The following SNTG1 variants were observed in gnomAD, a reference collection of about 807,000 sequenced individuals.
SNTG1 encodes the protein syntrophin gamma 1, also known as gamma-1-syntrophin.
Under a neutral mutation model 74.7 loss-of-function variants are expected in SNTG1, and 39 were observed. The observed-to-expected ratio is 0.52, with a 90% CI of 0.40 to 0.68. The LOEUF is 0.68. Among genes scored for constraint, SNTG1 ranks in the 30% least tolerant of loss-of-function variants. SNTG1 has a pLI of 0.00. For missense variants in SNTG1, 685 were observed against 609.5 expected (o/e 1.12, Z -1.30); for synonymous variants, 254 against 217.1 (o/e 1.17, Z -1.49).
chr8:50,211,363 A>G (rs1176570266), intron 2 of SNTG1, among the ~76,000 whole-genome samples: 4 of 152,166 alleles, frequency 2.6e-5, no homozygotes, highest in African/African-American at 9.6e-5. Context: ...TTGTTATCAG[A>G]GAAATATTAC....
intron 17 of SNTG1, among the ~76,000 whole-genome samples, chr8:50,728,515 C>G (rs745504092): frequency 1.4e-4 from 21 of 152,096 alleles, no homozygotes; most frequent in Non-Finnish European, 2.9e-5. Flanking sequence ...GTGAAAAGAG[C>G]CCAATATTAT....
At chr8:50,307,280 A>C (rs991290113) in intron 2 of SNTG1, among the ~76,000 whole-genome samples, 25 of 152,216 alleles carry the variant, frequency 1.6e-4, no homozygotes, top group African/African-American at 6.0e-4. Context: ...GTCCAATTTT[A>C]GCTACTGCCA....
rs148175498 is a variant in SNTG1, at chr8:50,076,298, A to G, written c.-102-96263A>G. Among the ~76,000 whole-genome samples, 548 of 152,252 alleles carry G rather than the reference A, an allele frequency of 3.6e-3. 3 individuals are homozygous for G. The highest frequency in any genetic ancestry group is 0.013 in the African/African-American group (526 of 41,550). On this transcript the variant is annotated intron_variant, in intron 1 of 18. Coordinates refer to ENST00000642720, the MANE Select transcript of SNTG1 (RefSeq NM_018967.5). ...AGGTAACATACTGAAAGAAACAAAA[A>G]CAAAAAAAAACCTGAATTCTTTTGT...
intron 9 of SNTG1, among the ~76,000 whole-genome samples, chr8:50,521,243 G>A (rs2094177008): frequency 6.6e-6 from 1 of 152,024 alleles, no homozygotes; most frequent in Non-Finnish European, 1.5e-5. Context: ...ATAGGGAGGG[G>A]AACATCACAC....
intron 8 of SNTG1, among the ~76,000 whole-genome samples, chr8:50,456,721 T>C (rs2093509500): frequency 6.6e-6 from 1 of 152,126 alleles, no homozygotes; most frequent in African/African-American, 2.4e-5. Flanking sequence ...CATTCAAACC[T>C]TAGCACCTTC....
chr8:50,433,782 T>C (rs1026948400), intron 4 of SNTG1, among the ~76,000 whole-genome samples: 3 of 152,306 alleles, frequency 2.0e-5, no homozygotes, highest in African/African-American at 7.2e-5. Flanking sequence ...GTGTAAGACA[T>C]AGGTCCAGCT....
intron 10 of SNTG1, among the ~76,000 whole-genome samples, chr8:50,531,698 C>G (rs2130337579): frequency 6.6e-6 from 1 of 152,278 alleles, no homozygotes; most frequent in South Asian, 2.1e-4. Context: ...CTGCTTCCAT[C>G]AGTCCTCAGA....
chr8:50,335,312 A>G (rs1045607317), intron 2 of SNTG1, among the ~76,000 whole-genome samples: 11 of 152,340 alleles, frequency 7.2e-5, no homozygotes, highest in African/African-American at 2.2e-4. Flanking sequence ...GTCTGAGCAT[A>G]CAACATGGCT....
chr8:50,021,883 G>A (rs973341385), intron 1 of SNTG1, among the ~76,000 whole-genome samples: 1 of 149,792 alleles, frequency 6.7e-6, no homozygotes, highest in Non-Finnish European at 1.5e-5. Context: ...TGAGGCTGCT[G>A]TGAGCCAGGA....
At chr8:50,768,294 G>T (rs1337248984) in intron 18 of SNTG1, among the ~76,000 whole-genome samples, 1 of 151,970 alleles carries the variant, frequency 6.6e-6, no homozygotes, top group East Asian at 1.9e-4. Context: ...ATTGTAAATT[G>T]TGCCTTAAAG....
At chr8:49,960,825 C>T in intron 1 of SNTG1, among the ~76,000 whole-genome samples, 1 of 152,070 alleles carries the variant, frequency 6.6e-6, no homozygotes, top group Non-Finnish European at 1.5e-5. Context: ...GCATCCTGCC[C>T]TCCTCCTCCT....
intron 1 of SNTG1, among the ~76,000 whole-genome samples, chr8:50,000,597 A>G (rs985373983): frequency 3.3e-5 from 5 of 152,214 alleles, no homozygotes; most frequent in African/African-American, 9.6e-5. Flanking sequence ...CTGTAGTGCA[A>G]ATATCACAGA....
chr8:50,773,896 G>A (rs1339353662), intron 18 of SNTG1, among the ~76,000 whole-genome samples: 1 of 152,080 alleles, frequency 6.6e-6, no homozygotes, highest in Non-Finnish European at 1.5e-5. Context: ...GAATGTTAAT[G>A]AAAGGATAGA....
At chr8:50,648,563 A>T (rs2131217955) in intron 13 of SNTG1, among the ~76,000 whole-genome samples, 1 of 152,294 alleles carries the variant, frequency 6.6e-6, no homozygotes, top group Admixed American at 6.5e-5. Context: ...ATGACAATCT[A>T]ACAATATTTG....
intron 2 of SNTG1, among the ~76,000 whole-genome samples, chr8:50,281,458 T>C (rs1186160563): frequency 1.3e-5 from 2 of 152,216 alleles, no homozygotes; most frequent in African/African-American, 4.8e-5. Flanking sequence ...TGAGCTGTTG[T>C]AGCGATTTCT....
intron 2 of SNTG1, among the ~76,000 whole-genome samples, chr8:50,173,526 G>A (rs536925358): frequency 7.2e-5 from 11 of 152,168 alleles, no homozygotes; most frequent in Non-Finnish European, 1.5e-4. Context: ...GTGTAGAAGT[G>A]GCAAGAATCT....
In SNTG1 at chr8:50,704,789, T is replaced by C. The variant is rs777110395; in HGVS notation, c.1191+37T>C. ...TGGGACTGCAGGATGTGTGGCTCCC[T>C]CAGATGCATGACCACTTCCCTAGAG... On this transcript the variant is annotated intron_variant, in intron 16 of 18. Transcript: ENST00000642720. 6.2e-6 allele frequency: 10 copies of C among 1,609,090 alleles called. No homozygotes were observed. The Middle Eastern group carries it at 1.7e-3, about 267-fold the overall frequency.
chr8:50,192,419 AT>A (rs1319184552), intron 2 of SNTG1, among the ~76,000 whole-genome samples: 1 of 151,820 alleles, frequency 6.6e-6, no homozygotes, highest in Non-Finnish European at 1.5e-5. Flanking sequence ...GATGTTGAGC[AT>A]TTTTTTCATA....
intron 2 of SNTG1, among the ~76,000 whole-genome samples, chr8:50,356,727 C>T (rs1299773168): frequency 6.6e-6 from 1 of 152,084 alleles, no homozygotes; most frequent in Non-Finnish European, 1.5e-5. Flanking sequence ...ACCTAATTAC[C>T]TCTTAAAGGC....
Sources: gnomAD v4.1 joint callset for allele counts (sites outside exome capture counted in the v4.1 genomes callset) on GRCh38, gnomAD v4.1.1 for gene constraint, MANE v1.5 for transcripts, NCBI Gene and HGNC (gene_info 2026-07-23, HGNC 2026-07-21) for gene names.